The following SLC17A9 variants were observed in gnomAD, a reference collection of about 807,000 sequenced individuals.
SLC17A9 encodes the protein voltage-gated purine nucleotide uniporter SLC17A9.
Under a neutral mutation model 55.0 loss-of-function variants are expected in SLC17A9, and 49 were observed. That is an observed-to-expected ratio of 0.89 (90% confidence interval 0.71 to 1.13). The LOEUF (loss-of-function observed/expected upper bound fraction) is 1.13, where lower values mean the gene tolerates loss of function less well. Ranked by LOEUF, SLC17A9 falls within the 50% of genes most tolerant of loss-of-function variation. The pLI is 0.00. For synonymous variants in SLC17A9, 256 were observed against 247.4 expected (o/e 1.03, Z -0.32); for missense variants, 526 against 569.3 (o/e 0.92, Z 0.77).
chr20:62,965,237 T>C, intron 9 of SLC17A9, 71 bp downstream of exon 9: 1 of 1,600,680 alleles, frequency 6.2e-7, no homozygotes, highest in Non-Finnish European at 8.6e-7. Flanking sequence ...GAACTCAGGG[T>C]TGTGTCCCCA....
chr20:62,957,384 G>A (rs79028503), intron 2 of SLC17A9, 57 bp from the exon 3 acceptor site: 23,470 of 1,526,064 alleles, frequency 0.015, 341 homozygotes, highest in Middle Eastern at 0.017. Context: ...CTGAGTCAGG[G>A]TGGTGCCCCT....
In SLC17A9 at chr20:62,964,154, C is replaced by T. The variant is rs1459682197; in HGVS notation, c.823-74C>T. ...GCAGTGGTGGGCACGGGGGCGCTGT[C>T]CAGCCTGAGTATCCTCTTCCAGATG... On this transcript the variant is annotated intron_variant, in intron 7 of 12. Coordinates refer to ENST00000370351, the MANE Select transcript of SLC17A9 (RefSeq NM_022082.4). 3.3e-6 allele frequency: 5 copies of T among 1,497,538 alleles called. No homozygotes were observed. The Admixed American group carries it at 6.7e-5, about 20-fold the overall frequency. 92.8% of individuals were successfully genotyped at this position (1,497,538 alleles called of 1,614,324 possible). A position where few individuals can be genotyped will look rare whatever the true frequency, so the allele number is the denominator to read the frequency against.
rs757346973 is a variant in SLC17A9 at position 62,965,675 on chromosome 20, G to A, written c.1011G>A (p.Glu337=). ...LCLGHTSSFC[E]SVVFASASIG... is the part of the protein sequence containing the mutation. ...TGGGCCACACCTCCAGCTTCTGTGA[G>A]TCTGTGGTCTTTGCATCAGCCTCCA... Residue 337 remains glutamate, a synonymous_variant, in exon 10 of 13, where the codon GAG becomes GAA. Coordinates refer to ENST00000370351, the MANE Select transcript of SLC17A9 (RefSeq NM_022082.4). 2.5e-6 allele frequency: 4 copies of A among 1,613,982 alleles called. No individual in the cohort carries two copies. The South Asian group carries it at 3.3e-5, about 13-fold the overall frequency.
Position 62,965,713 on chromosome 20 carries a change from C to A in SLC17A9, c.1049C>A (p.Thr350Asn), listed in dbSNP as rs868664418. The part of the protein sequence containing the change: ...VFASASIGLQ[T>N]FNHSGISVNI... Reference sequence around the variant, plus strand: ...GCATCAGCCTCCATCGGCCTCCAGACCTTCAACCACAGGTGAGGGCCGACT... The same window carrying A: ...GCATCAGCCTCCATCGGCCTCCAGAACTTCAACCACAGGTGAGGGCCGACT... The change falls in exon 10 of 13, where the codon ACC (threonine) becomes AAC (asparagine). Residue 350 changes from threonine (T) to asparagine (N), a missense_variant. Thr to Asn is a moderately conservative substitution (Grantham distance 65). Coordinates refer to ENST00000370351, the MANE Select transcript of SLC17A9 (RefSeq NM_022082.4). The A allele has an allele frequency of 1.2e-6, 2 of 1,613,700 alleles. No homozygotes were observed. The highest frequency in any genetic ancestry group is 2.7e-5 in the African/African-American group (2 of 74,942).
chr20:62,959,399 C>T (rs2065569595), intron 3 of SLC17A9, among the ~76,000 whole-genome samples: 2 of 152,216 alleles, frequency 1.3e-5, no homozygotes, highest in African/African-American at 4.8e-5. Flanking sequence ...AAGTCTGGCA[C>T]GTCTCAATGT....
intron 3 of SLC17A9, among the ~76,000 whole-genome samples, chr20:62,959,181 C>A (rs2147650388): frequency 6.6e-6 from 1 of 152,306 alleles, no homozygotes; most frequent in South Asian, 2.1e-4. Context: ...CTGCCTCGGA[C>A]TGGGCTGACC....
chr20:62,957,356 A>G (rs2065545679), intron 2 of SLC17A9, 85 bp from the exon 3 acceptor site: 21 of 1,507,594 alleles, frequency 1.4e-5, no homozygotes, highest in South Asian at 6.7e-5. Flanking sequence ...AGCTCTGAGC[A>G]CCCACTCAAG....
intron 2 of SLC17A9, 152 bp from the exon 3 acceptor site, chr20:62,957,289 T>G: frequency 6.8e-7 from 1 of 1,465,658 alleles, no homozygotes; most frequent in Non-Finnish European, 9.0e-7. Flanking sequence ...CCTGGTCTCC[T>G]CACGAGGCAG....
chr20:62,963,590 C>T lies in SLC17A9; in HGVS notation c.732C>T (p.Ala244=), dbSNP rs371327604. ...CCACCATTGGGCCCCGCAGGGCAGC[C>T]GTCGTCTCCCAGCTCTCTGCAGCCT... is the stretch of plus-strand genomic sequence containing the variant. ...RLFRKPAVWA[A]VVSQLSAACS... is the part of the protein sequence containing the mutation. Residue 244 remains alanine (A), a synonymous_variant, in exon 7 of 13, where the codon GCC becomes GCT. Coordinates refer to ENST00000370351, the MANE Select transcript of SLC17A9 (RefSeq NM_022082.4). The T allele has an allele frequency of 1.6e-5, 25 of 1,593,016 alleles. No individual in the cohort carries two copies. The highest frequency in any genetic ancestry group is 1.7e-4 in the Middle Eastern group (1 of 6,052).
chr20:62,957,489 C>T lies in SLC17A9; in HGVS notation c.306C>T (p.Ser102=). The T allele has an allele frequency of 6.2e-7, 1 of 1,609,516 alleles. No homozygotes were observed. The highest frequency in any genetic ancestry group is 1.1e-5 in the South Asian group (1 of 90,524). The change falls in exon 3 of 13, where the codon TCC becomes TCT. Residue 102 remains serine, a synonymous_variant. Coordinates refer to ENST00000370351, the MANE Select transcript of SLC17A9 (RefSeq NM_022082.4). ...VILLSASAWG[S]ITAVTPLLAH... is the part of the protein sequence containing the mutation. ...TGCTGTCAGCCTCTGCCTGGGGCTC[C>T]ATCACGGCCGTCACCCCACTGCTCG...
In SLC17A9 at chr20:62,964,269, G is replaced by A. The variant is rs201991651; in HGVS notation, c.864G>A (p.Pro288=). 9.9e-5 allele frequency: 159 copies of A among 1,614,194 alleles called. No homozygotes were observed. In the South Asian group the frequency reaches 1.4e-3, roughly 14 times the overall value. Residue 288 remains proline, a synonymous_variant, in exon 8 of 13, where the codon CCG becomes CCA. Coordinates refer to ENST00000370351, the MANE Select transcript of SLC17A9 (RefSeq NM_022082.4). ...TGGTTCCTTGGTTGGTGGCGATTCCGGCCAGTCTATTCAGCGGGTTTCTCT... is the reference window on the plus strand; with the variant it reads ...TGGTTCCTTGGTTGGTGGCGATTCCAGCCAGTCTATTCAGCGGGTTTCTCT... ...FNVVPWLVAI[P]ASLFSGFLSD...
intron 1 of SLC17A9, 101 bp downstream of exon 1, chr20:62,952,990 G>A: frequency 7.5e-7 from 1 of 1,336,494 alleles, no homozygotes; most frequent in Non-Finnish European, 1.0e-6. Flanking sequence ...GGTGGGGAGG[G>A]CTGAGCTGGG....
chr20:62,962,954 T>C lies in SLC17A9; in HGVS notation c.628+200T>C. Reference sequence around the variant, plus strand: ...ACCCAATTCGATCTGGAAGGTTCCATCTAGGGCTAAGGCAGACACCCAGGA... The same window carrying C: ...ACCCAATTCGATCTGGAAGGTTCCACCTAGGGCTAAGGCAGACACCCAGGA... On this transcript the variant is annotated intron_variant, in intron 5 of 12. Transcript: ENST00000370351. The surrounding 1 kb of genome is among the most constrained non-coding windows in gnomAD (Gnocchi z 5.5). 1.3e-6 allele frequency: 1 copy of C among 773,454 alleles called. No individual in the cohort carries two copies. The highest frequency in any genetic ancestry group is 2.0e-6 in the Non-Finnish European group (1 of 496,662). 47.9% of individuals were successfully genotyped at this position (773,454 alleles called of 1,614,324 possible).
chr20:62,954,414 G>A (rs1172892775), intron 1 of SLC17A9, among the ~76,000 whole-genome samples: 1 of 152,250 alleles, frequency 6.6e-6, no homozygotes, highest in Non-Finnish European at 1.5e-5. Flanking sequence ...GAGGGGCCAT[G>A]TGACCACCTG....
chr20:62,965,317 G>A (rs1252968866), intron 9 of SLC17A9, 151 bp downstream of exon 9: 1 of 1,081,870 alleles, frequency 9.2e-7, no homozygotes, highest in Non-Finnish European at 1.4e-6. Flanking sequence ...GCCCAGAAGG[G>A]GCTGTTTAGA....
chr20:62,964,147 G>A lies in SLC17A9; in HGVS notation c.823-81G>A, dbSNP rs2065613984. On this transcript the variant is annotated intron_variant, in intron 7 of 12. Coordinates refer to ENST00000370351, the MANE Select transcript of SLC17A9 (RefSeq NM_022082.4). ...TTCCTGGGCAGTGGTGGGCACGGGG[G>A]CGCTGTCCAGCCTGAGTATCCTCTT... The A allele has an allele frequency of 2.8e-6, 4 of 1,414,308 alleles. No individual in the cohort carries two copies. The South Asian group carries it at 4.6e-5, about 16-fold the overall frequency. 87.6% of individuals were successfully genotyped at this position (1,414,308 alleles called of 1,614,324 possible).
chr20:62,954,818 A>C (rs2065522088), intron 1 of SLC17A9, among the ~76,000 whole-genome samples: 1 of 152,202 alleles, frequency 6.6e-6, no homozygotes, highest in Non-Finnish European at 1.5e-5. Context: ...CCTCCTTCCA[A>C]GGAGGCCCTG....
intron 3 of SLC17A9, among the ~76,000 whole-genome samples, chr20:62,959,579 G>T (rs1198587516): frequency 6.6e-6 from 1 of 152,230 alleles, no homozygotes; most frequent in Non-Finnish European, 1.5e-5. Flanking sequence ...TCTTGCTGCG[G>T]GGCATCGGAC....
intron 2 of SLC17A9, 107 bp from the exon 3 acceptor site, chr20:62,957,334 C>T: frequency 1.3e-6 from 2 of 1,497,268 alleles, no homozygotes; most frequent in Non-Finnish European, 1.8e-6. Flanking sequence ...TAGAGGCAGA[C>T]AGGCCAGGCC....
Sources: gnomAD v4.1 joint callset for allele counts (sites outside exome capture counted in the v4.1 genomes callset) on GRCh38, gnomAD v4.1.1 for gene constraint, Gnocchi (gnomAD v3.1) non-coding constraint, MANE v1.5 for transcripts, NCBI Gene and HGNC (gene_info 2026-07-23, HGNC 2026-07-21) for gene names.